TRAK1: variants seen among roughly 807,000 people sequenced by gnomAD.
TRAK1 encodes the protein trafficking kinesin-binding protein 1.
Under a neutral mutation model 92.1 loss-of-function variants are expected in TRAK1, and 33 were observed. The observed-to-expected ratio is 0.36, with a 90% CI of 0.27 to 0.48. The LOEUF is 0.48. Ranked by LOEUF, TRAK1 falls within the 20% of genes least tolerant of loss-of-function variation. TRAK1 has a pLI of 0.99. For synonymous variants in TRAK1, 521 were observed against 517.3 expected (o/e 1.01, Z -0.10); for missense variants, 1,123 against 1,257.9 (o/e 0.89, Z 1.62).
intron 1 of TRAK1, among the ~76,000 whole-genome samples, chr3:42,105,525 G>C (rs888939381): frequency 3.9e-5 from 6 of 152,214 alleles, no homozygotes; most frequent in South Asian, 2.1e-4. Flanking sequence ...TATGTGAAAA[G>C]ACCAAATCTA....
chr3:42,094,047 C>T (rs138228109), intron 1 of TRAK1, among the ~76,000 whole-genome samples: 5 of 151,844 alleles, frequency 3.3e-5, no homozygotes, highest in Admixed American at 6.6e-5. Flanking sequence ...CTTTGTTCAC[C>T]CCAAACTATT....
chr3:42,075,885 C>T (rs1704132917), intron 1 of TRAK1, among the ~76,000 whole-genome samples: 2 of 152,030 alleles, frequency 1.3e-5, no homozygotes, highest in South Asian at 4.2e-4. Context: ...CTCTGTTGCC[C>T]AGGCTGGAGT....
chr3:42,204,688 A>C (rs1270244930), intron 13 of TRAK1, among the ~76,000 whole-genome samples: 1 of 152,164 alleles, frequency 6.6e-6, no homozygotes, highest in Non-Finnish European at 1.5e-5. Context: ...GGGCTCAAGC[A>C]ATCCTCCCGC....
At chr3:42,175,780 A>G (rs552265543) in intron 2 of TRAK1, among the ~76,000 whole-genome samples, 2 of 152,304 alleles carry the variant, frequency 1.3e-5, no homozygotes, top group East Asian at 1.9e-4. Flanking sequence ...AATGTGTCGC[A>G]TGGGCTGTTA....
chr3:42,209,757 C>T lies in TRAK1; in HGVS notation c.1745-10C>T, dbSNP rs1480863355. ...TTGTCCCCCTTCTTCCCTTCCCTTTCTCCTGCAAGGTTCCGCCACACTTCA... is the reference window on the plus strand; with the variant it reads ...TTGTCCCCCTTCTTCCCTTCCCTTTTTCCTGCAAGGTTCCGCCACACTTCA... On this transcript the variant is annotated splice_polypyrimidine_tract_variant and intron_variant, in intron 13 of 15. Transcript: ENST00000327628. The T allele has an allele frequency of 1.2e-6, 2 of 1,612,822 alleles. No individual in the cohort carries two copies. Among genetic ancestry groups the T allele is most frequent in the Non-Finnish European group, 1.7e-6 (2 of 1,179,118 alleles).
intron 1 of TRAK1, among the ~76,000 whole-genome samples, chr3:42,121,807 A>G (rs568306982): frequency 1.3e-5 from 2 of 152,182 alleles, no homozygotes; most frequent in African/African-American, 4.8e-5. Context: ...TGTCACAGAA[A>G]AATCAAATAT....
chr3:42,131,944 T>C (rs1460179028), intron 2 of TRAK1, among the ~76,000 whole-genome samples: 1 of 147,610 alleles, frequency 6.8e-6, no homozygotes, highest in African/African-American at 2.5e-5. Flanking sequence ...GGTATGCACC[T>C]TGTAGTCCCA....
chr3:42,046,075 T>A (rs1252894790), intron 1 of TRAK1, among the ~76,000 whole-genome samples: 1 of 152,102 alleles, frequency 6.6e-6, no homozygotes, highest in Non-Finnish European at 1.5e-5. Flanking sequence ...TGCCTACACA[T>A]CTCTGAGCCT....
chr3:42,165,579 C>CA (rs1701759415), intron 2 of TRAK1, among the ~76,000 whole-genome samples: 1 of 152,134 alleles, frequency 6.6e-6, no homozygotes, highest in South Asian at 2.1e-4. Context: ...TGTGATGCGT[C>CA]AGGCTTTTGT....
chr3:42,161,824 G>C (rs1246703646), intron 2 of TRAK1, among the ~76,000 whole-genome samples: 2 of 152,174 alleles, frequency 1.3e-5, no homozygotes, highest in Admixed American at 1.3e-4. Context: ...TGAAGGAGAT[G>C]GGGGAGGGGA....
intron 1 of TRAK1, among the ~76,000 whole-genome samples, chr3:42,021,261 G>A (rs1701712283): frequency 6.6e-6 from 1 of 152,248 alleles, no homozygotes; most frequent in South Asian, 2.1e-4. Flanking sequence ...ATAAAAGAGT[G>A]TCACCTAGAC....
intron 1 of TRAK1, among the ~76,000 whole-genome samples, chr3:42,082,179 G>A (rs137862161): frequency 1.3e-5 from 2 of 152,248 alleles, no homozygotes; most frequent in Admixed American, 1.3e-4. Context: ...TGGAAACATC[G>A]ATACTAGGAG....
At chr3:42,125,326 C>T in intron 1 of TRAK1, 94 bp from the exon 2 acceptor site, 1 of 1,135,410 alleles carries the variant, frequency 8.8e-7, no homozygotes, top group Non-Finnish European at 1.2e-6. Context: ...AGATAAATAA[C>T]CGAAGATACC....
chr3:42,126,284 T>A (rs771437204), intron 2 of TRAK1, among the ~76,000 whole-genome samples: 4 of 152,218 alleles, frequency 2.6e-5, no homozygotes, highest in Non-Finnish European at 4.4e-5. Context: ...ATATCCAGGC[T>A]TCTCATTTAT....
chr3:42,036,582 C>T (rs1162391588), intron 1 of TRAK1, among the ~76,000 whole-genome samples: 1 of 152,186 alleles, frequency 6.6e-6, no homozygotes, highest in Non-Finnish European at 1.5e-5. Flanking sequence ...CTGTAATCAC[C>T]AGAGCAGTGT....
At chr3:42,086,570 G>A (rs1704690900), upstream of TRAK1, among the ~76,000 whole-genome samples, 1 of 151,984 alleles carries the variant, frequency 6.6e-6, no homozygotes, top group Admixed American at 6.6e-5. Flanking sequence ...GCCCACCTCG[G>A]CCTCTCAAGG....
At chr3:42,130,714 G>T (rs533275080) in intron 2 of TRAK1, among the ~76,000 whole-genome samples, 25 of 152,308 alleles carry the variant, frequency 1.6e-4, no homozygotes, top group African/African-American at 5.5e-4. Flanking sequence ...TGGGAGGAGG[G>T]AGGGGGGTCT....
chr3:42,125,389 G>A (rs776762839), intron 1 of TRAK1, 31 bp from the exon 2 acceptor site: 33 of 1,600,262 alleles, frequency 2.1e-5, no homozygotes, highest in Non-Finnish European at 2.6e-5. Context: ...GCCATTTCTG[G>A]GCTCTCATTT....
intron 13 of TRAK1, chr3:42,203,703 T>C (rs1238256720): frequency 1.0e-6 from 1 of 985,298 alleles, no homozygotes; most frequent in Non-Finnish European, 1.2e-6. Flanking sequence ...GGCAGAACTT[T>C]CCCAACTTTA....
Sources: allele counts gnomAD v4.1 joint callset (sites outside exome capture counted in the v4.1 genomes callset), GRCh38; gene constraint gnomAD v4.1.1; transcripts MANE v1.5; gene names NCBI Gene and HGNC (gene_info 2026-07-23, HGNC 2026-07-21).